Variants in BMP6 observed in about 807,000 individuals in gnomAD.
BMP6 encodes the protein bone morphogenetic protein 6.
A neutral mutation model predicts 54.1 loss-of-function variants in BMP6; 17 were observed. The observed-to-expected ratio is 0.31, with a 90% CI of 0.22 to 0.47. The LOEUF is 0.47. Ranked by LOEUF, BMP6 falls within the 20% of genes least tolerant of loss-of-function variation. BMP6 has a pLI of 1.00. For synonymous variants in BMP6, 328 were observed against 291.2 expected (o/e 1.13, Z -1.28); for missense variants, 720 against 690.4 (o/e 1.04, Z -0.48).
In BMP6 at chr6:7,789,401, G is replaced by A. The variant is rs188522963; in HGVS notation, c.665-55739G>A. 2.6e-5 allele frequency among the ~76,000 whole-genome samples: 4 copies of A among 152,276 alleles called. No homozygotes were observed. The South Asian group carries it at 8.3e-4, about 32-fold the overall frequency. ...ACTCTTACCAGGCGTATATGTAGAG[G>A]AAAAGGTCAAAGAAAAACATTTCCA... On this transcript the variant is annotated intron_variant, in intron 1 of 6. Transcript: ENST00000283147.
intron 1 of BMP6, among the ~76,000 whole-genome samples, chr6:7,761,052 C>G (rs943768403): frequency 6.6e-6 from 1 of 152,226 alleles, no homozygotes; most frequent in Non-Finnish European, 1.5e-5. Context: ...TTGGCCTTTG[C>G]CTTATATTCG....
chr6:7,755,563 A>AT (rs1757502243), intron 1 of BMP6, among the ~76,000 whole-genome samples: 1 of 152,194 alleles, frequency 6.6e-6, no homozygotes, highest in East Asian at 1.9e-4. Context: ...CAAGCAGTCA[A>AT]TCACGTTTTA....
intron 1 of BMP6, among the ~76,000 whole-genome samples, chr6:7,777,693 A>AG (rs1757882105): frequency 6.6e-6 from 1 of 151,302 alleles, no homozygotes; most frequent in African/African-American, 2.4e-5. Flanking sequence ...AAAAAAAAAA[A>AG]GGGAGAAAAA....
chr6:7,818,533 G>T (rs1264928107), intron 1 of BMP6, among the ~76,000 whole-genome samples: 1 of 152,186 alleles, frequency 6.6e-6, no homozygotes, highest in Admixed American at 6.5e-5. Context: ...ATAGATAACT[G>T]GACAAGTTCT....
chr6:7,816,267 A>G lies in BMP6; in HGVS notation c.665-28873A>G, dbSNP rs1374214190. 2.0e-5 allele frequency among the ~76,000 whole-genome samples: 3 copies of G among 152,320 alleles called. No individual in the cohort carries two copies. In the East Asian group the frequency reaches 5.8e-4, roughly 29 times the overall value. ...ACAGAGAAATACATAGAAGTAGTGG[A>G]AGAGAATGGAGTTTACATTTGTGTA... On this transcript the variant is annotated intron_variant, in intron 1 of 6. Coordinates refer to ENST00000283147, the MANE Select transcript of BMP6 (RefSeq NM_001718.6).
chr6:7,838,602 G>A (rs939454668), intron 1 of BMP6, among the ~76,000 whole-genome samples: 8 of 152,074 alleles, frequency 5.3e-5, no homozygotes, highest in Non-Finnish European at 2.9e-5. Flanking sequence ...AGTCCTTGCC[G>A]CTCTCCTGAT....
intron 1 of BMP6, among the ~76,000 whole-genome samples, chr6:7,766,747 T>C (rs1421464087): frequency 6.6e-6 from 1 of 152,178 alleles, no homozygotes; most frequent in Non-Finnish European, 1.5e-5. Flanking sequence ...AAATCAGTTA[T>C]ATATTTTGAA....
intron 1 of BMP6, among the ~76,000 whole-genome samples, chr6:7,751,486 A>C (rs1459576681): frequency 2.0e-5 from 3 of 152,230 alleles, no homozygotes; most frequent in African/African-American, 7.2e-5. Flanking sequence ...AATTTCTAGG[A>C]TACAATACCT....
chr6:7,808,178 C>T (rs1758379893), intron 1 of BMP6, among the ~76,000 whole-genome samples: 1 of 152,044 alleles, frequency 6.6e-6, no homozygotes. Flanking sequence ...CCTCGGCCTC[C>T]CAAAGTGCTG....
intron 2 of BMP6, among the ~76,000 whole-genome samples, chr6:7,853,258 A>T (rs2113265176): frequency 6.6e-6 from 1 of 152,308 alleles, no homozygotes; most frequent in East Asian, 1.9e-4. Flanking sequence ...TTGATACATC[A>T]TGACCAGAAG....
intron 1 of BMP6, among the ~76,000 whole-genome samples, chr6:7,736,452 C>G (rs1761956263): frequency 6.6e-6 from 1 of 152,250 alleles, no homozygotes. Context: ...AATTGAGAAA[C>G]TGACAAAATA....
Position 7,869,103 on chromosome 6 carries a change from CGCCCTA to C in BMP6, c.1204+6610_1204+6615del, listed in dbSNP as rs563371554. Among the ~76,000 whole-genome samples, 26 of 152,368 alleles carry C rather than the reference CGCCCTA, an allele frequency of 1.7e-4. No homozygotes were observed. In the East Asian group the frequency reaches 5.0e-3, roughly 29 times the overall value. On this transcript the variant is annotated intron_variant, in intron 4 of 6. Coordinates refer to ENST00000283147, the MANE Select transcript of BMP6 (RefSeq NM_001718.6). ...CTGGGAGCCCACAGGCTTGCTGCAG[CGCCCTA>C]GCCCCGTCATACTCACAGCAGCAGC... is the stretch of plus-strand genomic sequence containing the variant.
chr6:7,879,916 C>A, intron 5 of BMP6, 75 bp from the exon 6 acceptor site: 1 of 1,440,410 alleles, frequency 6.9e-7, no homozygotes, highest in Non-Finnish European at 9.8e-7. Flanking sequence ...TACCTTTTCA[C>A]AGCATTCCTG....
intron 4 of BMP6, among the ~76,000 whole-genome samples, chr6:7,873,274 A>G (rs1388740223): frequency 1.3e-5 from 2 of 152,192 alleles, no homozygotes; most frequent in Non-Finnish European, 2.9e-5. Context: ...ACCGCCCTTC[A>G]TGTTTGATAA....
chr6:7,836,055 G>A (rs564509797), intron 1 of BMP6, among the ~76,000 whole-genome samples: 72 of 152,142 alleles, frequency 4.7e-4, no homozygotes, highest in Middle Eastern at 6.8e-3. Flanking sequence ...TGGCCAGGCC[G>A]GTCTCAAACT....
intron 1 of BMP6, among the ~76,000 whole-genome samples, chr6:7,843,550 TA>T (rs1759012673): frequency 6.6e-6 from 1 of 152,038 alleles, no homozygotes; most frequent in Non-Finnish European, 1.5e-5. Flanking sequence ...AATAATTTGA[TA>T]TTTTTTCTAC....
chr6:7,747,721 A>G (rs1757367112), intron 1 of BMP6, among the ~76,000 whole-genome samples: 1 of 152,084 alleles, frequency 6.6e-6, no homozygotes, highest in South Asian at 2.1e-4. Context: ...ATAATGGCTC[A>G]CTGTAGCCTC....
At chr6:7,836,200 A>T (rs548044830) in intron 1 of BMP6, among the ~76,000 whole-genome samples, 1 of 148,952 alleles carries the variant, frequency 6.7e-6, no homozygotes, top group East Asian at 1.9e-4. Context: ...TTTTAACATG[A>T]TTTTTTTTTT....
chr6:7,865,160 AT>A (rs1323687520), intron 4 of BMP6, among the ~76,000 whole-genome samples: 13 of 152,174 alleles, frequency 8.5e-5, no homozygotes, highest in Non-Finnish European at 1.6e-4. Flanking sequence ...ACCAATTATT[AT>A]TTTCCAAGTC....
Sources: gnomAD v4.1 joint callset for allele counts (sites outside exome capture counted in the v4.1 genomes callset) on GRCh38, gnomAD v4.1.1 for gene constraint, MANE v1.5 for transcripts, NCBI Gene and HGNC (gene_info 2026-07-23, HGNC 2026-07-21) for gene names.